The following CHKA variants were observed in gnomAD, a reference collection of about 807,000 sequenced individuals.
The protein encoded by CHKA is choline kinase alpha.
CHKA carries 34 observed loss-of-function variants against 60.1 expected under a neutral mutation model. That is an observed-to-expected ratio of 0.57 (90% CI 0.43 to 0.75). The LOEUF (loss-of-function observed/expected upper bound fraction) is 0.75, where lower values mean the gene tolerates loss of function less well. Among genes scored for constraint, CHKA ranks in the 30% least tolerant of loss-of-function variants. CHKA has a pLI of 0.00. For missense variants in CHKA, 563 were observed against 561.3 expected (o/e 1.00, Z -0.03); for synonymous variants, 217 against 223.1 (o/e 0.97, Z 0.24).
intron 1 of CHKA, among the ~76,000 whole-genome samples, chr11:68,100,125 T>C (rs548656241): frequency 2.6e-5 from 4 of 152,220 alleles, no homozygotes; most frequent in Admixed American, 6.5e-5. Context: ...TAAAATGTGG[T>C]AGGAAGAAAT....
intron 8 of CHKA, 152 bp from the exon 9 acceptor site, chr11:68,066,046 G>C (rs1339860107): frequency 3.1e-5 from 18 of 586,556 alleles, no homozygotes; most frequent in Non-Finnish European, 4.0e-5. Flanking sequence ...CTGCTTTAAT[G>C]ACAGAGAGAG....
chr11:68,070,800 C>T lies in CHKA; in HGVS notation c.688G>A (p.Glu230Lys), dbSNP rs138597091. The change falls in exon 5 of 12, where the codon GAG becomes AAG. Residue 230 changes from glutamate (E) to lysine (K), a missense_variant. Coordinates refer to ENST00000265689, the MANE Select transcript of CHKA (RefSeq NM_001277.3). The stretch of plus-strand genomic sequence containing the variant: ...ATACCATGAAATGTAGCCATTTTCT[C>T]GGCGATTTCTGCAGAAATATCTGGC... ...SLPDISAEIA[E>K]KMATFHGMKM... 33 of 1,612,864 alleles carry T rather than the reference C, an allele frequency of 2.0e-5. No homozygotes were observed. The highest frequency in any genetic ancestry group is 5.0e-5 in the Admixed American group (3 of 59,974).
At chr11:68,110,982 AAT>A in intron 1 of CHKA, among the ~76,000 whole-genome samples, 1 of 151,372 alleles carries the variant, frequency 6.6e-6, no homozygotes, top group East Asian at 1.9e-4. Context: ...TGGGCAACAG[AAT>A]GAGACTCCAT....
Position 68,070,736 on chromosome 11 carries a change from C to T in CHKA, c.752G>A (p.Gly251Asp). ...PFNKEPKWLF[G>D]TMEKYLKEVL... ...TTTGACCACTTACTTTTCCATTGTGCCAAAAAGCCATTTTGGTTCCTTATT... is the reference window on the plus strand; with the variant it reads ...TTTGACCACTTACTTTTCCATTGTGTCAAAAAGCCATTTTGGTTCCTTATT... The change falls in exon 5 of 12, where the codon GGC (glycine) becomes GAC (aspartate). Residue 251 changes from glycine (G) to aspartate (D), a missense_variant. Gly to Asp is a moderately conservative substitution (Grantham distance 94, BLOSUM62 -1). Transcript: ENST00000265689. 1 of 1,610,240 alleles carries T rather than the reference C, an allele frequency of 6.2e-7. No individual in the cohort carries two copies. Among genetic ancestry groups the T allele is most frequent in the Non-Finnish European group, 8.5e-7 (1 of 1,176,798 alleles).
intron 2 of CHKA, among the ~76,000 whole-genome samples, chr11:68,092,212 G>A (rs551246585): frequency 6.6e-6 from 1 of 152,250 alleles, no homozygotes; most frequent in Non-Finnish European, 1.5e-5. Context: ...ACCATGATGT[G>A]ATTTATTATT....
chr11:68,074,354 C>T (rs1277699850), intron 4 of CHKA, among the ~76,000 whole-genome samples: 1 of 152,094 alleles, frequency 6.6e-6, no homozygotes, highest in Non-Finnish European at 1.5e-5. Context: ...CCCCACAGGG[C>T]TACAGTCAGA....
intron 9 of CHKA, 121 bp downstream of exon 9, chr11:68,065,665 C>G (rs1856418145): frequency 1.5e-6 from 1 of 684,124 alleles, no homozygotes; most frequent in African/African-American, 1.8e-5. Context: ...CGCACTACTG[C>G]ACTCCAGCCT....
At chr11:68,098,604 G>A (rs1857591954) in intron 1 of CHKA, among the ~76,000 whole-genome samples, 1 of 152,144 alleles carries the variant, frequency 6.6e-6, no homozygotes, top group African/African-American at 2.4e-5. Flanking sequence ...AACAATGAAT[G>A]TACTTAATGC....
chr11:68,071,825 G>A (rs770114801), intron 4 of CHKA, among the ~76,000 whole-genome samples: 1 of 152,220 alleles, frequency 6.6e-6, no homozygotes, highest in Non-Finnish European at 1.5e-5. Flanking sequence ...TGAGGTCTCT[G>A]GGACAGCACC....
At chr11:68,088,342 G>C (rs761292737) in intron 2 of CHKA, among the ~76,000 whole-genome samples, 12 of 152,096 alleles carry the variant, frequency 7.9e-5, no homozygotes, top group Non-Finnish European at 1.8e-4. Context: ...ATGCCCATTT[G>C]GTCTTGGAGT....
intron 11 of CHKA, among the ~76,000 whole-genome samples, chr11:68,057,225 T>A (rs1173377188): frequency 6.6e-6 from 1 of 152,222 alleles, no homozygotes; most frequent in African/African-American, 2.4e-5. Flanking sequence ...TTGGTTTTTA[T>A]GTGTTTCCTG....
chr11:68,085,935 G>A (rs1397823101), intron 2 of CHKA, among the ~76,000 whole-genome samples: 1 of 151,998 alleles, frequency 6.6e-6, no homozygotes, highest in Non-Finnish European at 1.5e-5. Flanking sequence ...GGCTATTTAG[G>A]CTTTGTATTT....
chr11:68,084,312 A>AT (rs1165490770), intron 2 of CHKA, among the ~76,000 whole-genome samples: 4 of 140,440 alleles, frequency 2.8e-5, no homozygotes, highest in Non-Finnish European at 6.2e-5. Flanking sequence ...GTGTATATAC[A>AT]TGTGTATATA....
chr11:68,060,118 C>A (rs1251268474), intron 11 of CHKA, among the ~76,000 whole-genome samples: 1 of 149,826 alleles, frequency 6.7e-6, no homozygotes, highest in Non-Finnish European at 1.5e-5. Flanking sequence ...GCTCCGCCTC[C>A]TGGGTTCATG....
intron 2 of CHKA, among the ~76,000 whole-genome samples, chr11:68,086,292 G>A (rs1044930323): frequency 6.6e-6 from 1 of 151,982 alleles, no homozygotes; most frequent in East Asian, 1.9e-4. Flanking sequence ...CCAGCCTGGC[G>A]ACAGCGAGAC....
intron 11 of CHKA, among the ~76,000 whole-genome samples, chr11:68,060,578 T>C (rs908047457): frequency 1.3e-5 from 2 of 152,254 alleles, no homozygotes; most frequent in African/African-American, 4.8e-5. Context: ...CCCAAAGTGC[T>C]GGGATTACAG....
intron 1 of CHKA, among the ~76,000 whole-genome samples, chr11:68,107,285 G>A (rs1006945034): frequency 6.6e-6 from 1 of 151,900 alleles, no homozygotes; most frequent in African/African-American, 2.4e-5. Context: ...ACCAAATGGC[G>A]AGATGCGGGT....
At chr11:68,061,703 A>G (rs530472404) in intron 11 of CHKA, 4 of 551,132 alleles carry the variant, frequency 7.3e-6, no homozygotes, top group South Asian at 4.6e-5. Flanking sequence ...AGGGGAGGCA[A>G]GGTCAGCTGG....
intron 1 of CHKA, among the ~76,000 whole-genome samples, chr11:68,111,924 A>G (rs1030505953): frequency 5.3e-5 from 8 of 151,576 alleles, no homozygotes; most frequent in Non-Finnish European, 1.0e-4. Context: ...GTGGTGACGC[A>G]TGCCTGTAAT....
Sources: gnomAD v4.1 joint callset for allele counts (sites outside exome capture counted in the v4.1 genomes callset) on GRCh38, gnomAD v4.1.1 for gene constraint, MANE v1.5 for transcripts, NCBI Gene and HGNC (gene_info 2026-07-23, HGNC 2026-07-21) for gene names.